Variants in RELB observed in about 807,000 individuals in gnomAD.
RELB encodes the protein RELB proto-oncogene, NF-kB subunit, also known as transcription factor RelB.
In RELB, 14 loss-of-function variants were observed where a neutral mutation model predicts 55.4. The observed-to-expected ratio is 0.25, with a 90% confidence interval of 0.17 to 0.40. The LOEUF is 0.40. RELB is among the 10% of genes least tolerant of loss of function. RELB has a pLI of 1.00. For missense variants in RELB, 669 were observed against 830.7 expected (o/e 0.81, Z 2.39); for synonymous variants, 409 against 371.3 (o/e 1.10, Z -1.17).
chr19:45,014,056 G>T (rs994020396), intron 4 of RELB, among the ~76,000 whole-genome samples: 1 of 151,708 alleles, frequency 6.6e-6, no homozygotes, highest in Non-Finnish European at 1.5e-5. Flanking sequence ...GTCTCTCCAT[G>T]ATAAAGATAC....
chr19:45,019,768 C>G (rs977060290), intron 4 of RELB, among the ~76,000 whole-genome samples: 1 of 152,152 alleles, frequency 6.6e-6, no homozygotes, highest in Non-Finnish European at 1.5e-5. Flanking sequence ...ACCTCCATCT[C>G]CAGGGTTCAA....
Position 45,025,311 on chromosome 19 carries a change from C to T in RELB, c.663-18C>T, listed in dbSNP as rs1485886014. On this transcript the variant is annotated intron_variant, in intron 5 of 11. Transcript: ENST00000221452. ...CCTGCTCACGAGCACTCCTCTCCCT[C>T]CCCCGTCACCCCCTCAGTTTTAACA... 1.9e-6 allele frequency: 3 copies of T among 1,587,582 alleles called. No individual in the cohort carries two copies. Among genetic ancestry groups the T allele is most frequent in the Admixed American group, 1.8e-5 (1 of 57,008 alleles).
intron 4 of RELB, among the ~76,000 whole-genome samples, chr19:45,013,025 G>T (rs928198728): frequency 1.4e-5 from 2 of 147,346 alleles, no homozygotes; most frequent in Non-Finnish European, 3.0e-5. Context: ...ACTCCAGCCT[G>T]AGCAACAGAG....
In RELB at chr19:45,012,107, G is replaced by C. The variant is rs1157535630; in HGVS notation, c.335G>C (p.Gly112Ala). The change falls in exon 4 of 12, where the codon GGC (glycine) becomes GCC (alanine). Residue 112 changes from glycine to alanine, a missense_variant. Transcript: ENST00000221452. ...CCGCCGCCTTGGGGCTGCCCCCTGG[G>C]CCGACTAGTGTCCCCAGCGCCGGGC... The part of the protein sequence containing the change: ...ATPPPWGCPL[G>A]RLVSPAPGPG... 22 of 1,557,006 alleles carry C rather than the reference G, an allele frequency of 1.4e-5. No homozygotes were observed. In the East Asian group the frequency reaches 5.5e-4, roughly 39 times the overall value.
intron 3 of RELB, among the ~76,000 whole-genome samples, chr19:45,010,044 A>G (rs1324294477): frequency 1.3e-5 from 2 of 152,110 alleles, no homozygotes; most frequent in East Asian, 3.9e-4. Flanking sequence ...TCACACCTGT[A>G]ATCCTGGCAC....
rs747603917 is a variant in RELB at position 45,025,753 on chromosome 19, T to G, written c.886+16T>G. 2 of 1,613,816 alleles carry G rather than the reference T, an allele frequency of 1.2e-6. No individual in the cohort carries two copies. Among genetic ancestry groups the G allele is most frequent in the Non-Finnish European group, 1.7e-6 (2 of 1,179,762 alleles). On this transcript the variant is annotated intron_variant, in intron 7 of 11. Transcript: ENST00000221452. The stretch of plus-strand genomic sequence containing the variant: ...TATGACAAGAGTGAGTTGAGAGTGC[T>G]GTGGCCGTTAGGATTGCCCTTGGCT...
chr19:45,020,492 G>A (rs992189070), intron 4 of RELB, among the ~76,000 whole-genome samples: 21 of 151,060 alleles, frequency 1.4e-4, no homozygotes, highest in African/African-American at 2.7e-4. Context: ...GGGATTACAG[G>A]CGTGAGCCAC....
At chr19:45,002,346 T>C (rs1022591835) in intron 1 of RELB, among the ~76,000 whole-genome samples, 4 of 152,090 alleles carry the variant, frequency 2.6e-5, no homozygotes, top group African/African-American at 9.7e-5. Flanking sequence ...TGTTTTTTTT[T>C]GTTTGTTTTT....
intron 8 of RELB, among the ~76,000 whole-genome samples, chr19:45,031,333 C>A (rs992852664): frequency 6.6e-6 from 1 of 151,806 alleles, no homozygotes; most frequent in African/African-American, 2.4e-5. Context: ...CTGTGTTGGC[C>A]AGTCTGGTCT....
chr19:45,026,359 T>A (rs559746965), intron 7 of RELB, among the ~76,000 whole-genome samples: 2 of 151,930 alleles, frequency 1.3e-5, no homozygotes, highest in East Asian at 3.9e-4. Context: ...GCTGTGATCA[T>A]GCCACTGCAG....
intron 9 of RELB, among the ~76,000 whole-genome samples, chr19:45,033,478 A>G (rs978434171): frequency 6.6e-6 from 1 of 151,846 alleles, no homozygotes; most frequent in Non-Finnish European, 1.5e-5. Context: ...TGAGGTTAGG[A>G]GTTCGAGACC....
At chr19:45,015,854 T>G (rs1334076049) in intron 4 of RELB, among the ~76,000 whole-genome samples, 1 of 152,086 alleles carries the variant, frequency 6.6e-6, no homozygotes, top group African/African-American at 2.4e-5. Context: ...GACTGTTGAC[T>G]CTAAGCTTTT....
chr19:45,016,275 G>T (rs779958336), intron 4 of RELB, among the ~76,000 whole-genome samples: 1 of 152,056 alleles, frequency 6.6e-6, no homozygotes, highest in Non-Finnish European at 1.5e-5. Context: ...GTGAGCCACC[G>T]TGCCTGGCCA....
chr19:45,008,722 G>T, intron 2 of RELB: 1 of 339,130 alleles, frequency 2.9e-6, no homozygotes, highest in South Asian at 2.2e-5. Context: ...AGCGGAACAG[G>T]TTCGCGTCTA....
intron 11 of RELB, among the ~76,000 whole-genome samples, chr19:45,035,063 A>G (rs1600084544): frequency 6.6e-6 from 1 of 151,438 alleles, no homozygotes; most frequent in African/African-American, 2.4e-5. Flanking sequence ...GCTGGTCCTG[A>G]ACTCCTGACC....
chr19:45,025,149 G>A (rs556081538), intron 5 of RELB, among the ~76,000 whole-genome samples, 180 bp from the exon 6 acceptor site: 9 of 152,128 alleles, frequency 5.9e-5, no homozygotes, highest in African/African-American at 9.6e-5. Context: ...GTGAGCCACC[G>A]CGCTGGCCTT....
Position 45,020,846 on chromosome 19 carries a change from C to T in RELB, c.505-1207C>T, listed in dbSNP as rs377544158. On this transcript the variant is annotated intron_variant, in intron 4 of 11. Transcript: ENST00000221452. ...TGCTGGGATTACAGGCGTGAGCCAC[C>T]GCACCCGGCCATGGCACCCATCTTT... 2.7e-3 allele frequency among the ~76,000 whole-genome samples: 411 copies of T among 152,050 alleles called. 2 individuals carry two copies. The highest frequency in any genetic ancestry group is 4.2e-3 in the African/African-American group (173 of 41,528).
At chr19:45,028,806 C>T (rs1322218296) in intron 7 of RELB, 82 bp from the exon 8 acceptor site, 4 of 1,162,248 alleles carry the variant, frequency 3.4e-6, no homozygotes, top group Admixed American at 4.1e-5. Context: ...GGGGATGGCA[C>T]CCACTGGGTG....
chr19:45,012,736 CA>C (rs1182021644), intron 4 of RELB, among the ~76,000 whole-genome samples: 3 of 99,748 alleles, frequency 3.0e-5, no homozygotes, highest in African/African-American at 6.6e-5. Context: ...GACCTTGTCT[CA>C]AAAAAAAAGA....
Sources: allele counts gnomAD v4.1 joint callset (sites outside exome capture counted in the v4.1 genomes callset), GRCh38; gene constraint gnomAD v4.1.1; transcripts MANE v1.5; gene names NCBI Gene and HGNC (gene_info 2026-07-23, HGNC 2026-07-21).